Variants in NINL observed in about 807,000 individuals in gnomAD.
NINL encodes ninein like, also known as ninein-like protein.
A neutral mutation model predicts 160.3 loss-of-function variants in NINL; 153 were observed. That is an observed-to-expected ratio of 0.95 (90% CI 0.84 to 1.09). The LOEUF (loss-of-function observed/expected upper bound fraction) is 1.09, where lower values mean the gene tolerates loss of function less well. NINL is among the 50% of genes least tolerant of loss of function. The probability of loss-of-function intolerance (pLI) is 0.00; values close to 1 mark genes in which losing one functional copy is unlikely to be tolerated. For synonymous variants in NINL, 800 were observed against 734.8 expected (o/e 1.09, Z -1.43); for missense variants, 1,829 against 1,764.0 (o/e 1.04, Z -0.66).
intron 1 of NINL, among the ~76,000 whole-genome samples, chr20:25,572,408 G>A (rs1259928531): frequency 2.6e-5 from 4 of 151,932 alleles, no homozygotes; most frequent in South Asian, 2.1e-4. Flanking sequence ...CCCTCACTAC[G>A]GTGCTTGCTT....
chr20:25,538,122 T>C (rs948250602), intron 1 of NINL, among the ~76,000 whole-genome samples: 5 of 152,150 alleles, frequency 3.3e-5, no homozygotes, highest in Admixed American at 2.0e-4. Context: ...GCAACGCCAC[T>C]GGAAGATGAA....
At chr20:25,467,239 C>A in intron 19 of NINL, 150 bp downstream of exon 19, 2 of 701,608 alleles carry the variant, frequency 2.9e-6, no homozygotes, top group Non-Finnish European at 5.0e-6. Context: ...TAGTGTCTGA[C>A]TTTGATGGGG....
intron 1 of NINL, among the ~76,000 whole-genome samples, chr20:25,556,076 T>C (rs974464359): frequency 1.3e-5 from 2 of 151,664 alleles, no homozygotes; most frequent in Admixed American, 6.6e-5. Context: ...AGCCCAGAAG[T>C]TCAAGACCAC....
chr20:25,561,679 C>T (rs6037143), intron 1 of NINL, among the ~76,000 whole-genome samples: 11 of 151,402 alleles, frequency 7.3e-5, no homozygotes, highest in African/African-American at 2.7e-4. Flanking sequence ...GCGCCTCTGC[C>T]CCGCCGCCCC....
Position 25,489,918 on chromosome 20 carries a change from G to C in NINL, c.1553C>G (p.Ala518Gly). ...VEKLSDSERL[A>G]LKLQKDLEFV... is the part of the protein sequence containing the mutation. The stretch of plus-strand genomic sequence containing the variant: ...CTCCAGGTCCTTCTGCAGCTTCAGG[G>C]CCAGCCTCTCCGAATCCGAAAGCTT... Residue 518 changes from alanine to glycine, a missense_variant, in exon 12 of 24, where the codon GCC becomes GGC. Ala to Gly is a moderately conservative substitution (Grantham distance 60, BLOSUM62 0). Coordinates refer to ENST00000278886, the MANE Select transcript of NINL (RefSeq NM_025176.6). 1 of 1,614,182 alleles carries C rather than the reference G, an allele frequency of 6.2e-7. No homozygotes were observed. The highest frequency in any genetic ancestry group is 2.2e-5 in the East Asian group (1 of 44,882).
Position 25,512,886 on chromosome 20 carries a change from TG to T in NINL, c.397del (p.Gln133ArgfsTer4), listed in dbSNP as rs2064097699. 6.2e-7 allele frequency: 1 copy of T among 1,614,064 alleles called. No individual in the cohort carries two copies. Among genetic ancestry groups the T allele is most frequent in the Non-Finnish European group, 8.5e-7 (1 of 1,180,026 alleles). Reference sequence around the variant, plus strand: ...CCAGAGGTGACTTTTCAGGCTGGCCTGGGTTTGCTGCTCCGGCACGCGTCTG... The same window carrying T: ...CCAGAGGTGACTTTTCAGGCTGGCCTGGTTTGCTGCTCCGGCACGCGTCTG... ...EARRVPEQQT[Q>X]ASLKSHLWRS... is the part of the protein sequence containing the mutation. On this transcript the variant is annotated frameshift_variant, in exon 4 of 24. Transcript: ENST00000278886. LOFTEE classifies it high-confidence loss of function.
rs2063589441 is a variant in NINL, at chr20:25,489,981, T to C, written c.1490A>G (p.Asn497Ser). 2 of 1,613,808 alleles carry C rather than the reference T, an allele frequency of 1.2e-6. No homozygotes were observed. Among genetic ancestry groups the C allele is most frequent in the African/African-American group, 2.7e-5 (2 of 74,900 alleles). ...REKLTLALKE[N>S]SRLQKEIVEV... is the part of the protein sequence containing the mutation. ...CACAATCTCCTTCTGTAGGCGACTG[T>C]TTTCCTAGGAGACACAGGCCAGTGG... The change falls in exon 12 of 24, where the codon AAC becomes AGC. Residue 497 changes from asparagine to serine, a missense_variant. By Grantham distance (46) the Asn-to-Ser change is conservative. Transcript: ENST00000278886.
intron 2 of NINL, among the ~76,000 whole-genome samples, chr20:25,524,299 A>G (rs1439655031): frequency 1.3e-5 from 2 of 152,264 alleles, no homozygotes; most frequent in Non-Finnish European, 2.9e-5. Flanking sequence ...TGTTACAGAG[A>G]GAAGAGAAAG....
chr20:25,511,682 G>C (rs1264250963), intron 4 of NINL, among the ~76,000 whole-genome samples: 1 of 152,102 alleles, frequency 6.6e-6, no homozygotes, highest in Admixed American at 6.5e-5. Flanking sequence ...CCACCACAAG[G>C]AGGAGATTCA....
At chr20:25,540,700 C>T (rs901765303) in intron 1 of NINL, among the ~76,000 whole-genome samples, 1 of 152,120 alleles carries the variant, frequency 6.6e-6, no homozygotes, top group African/African-American at 2.4e-5. Flanking sequence ...TGTTATAACC[C>T]CAATAAAACA....
At chr20:25,469,940 C>T (rs540778943) in intron 18 of NINL, 51 bp downstream of exon 18, 132 of 1,312,478 alleles carry the variant, frequency 1.0e-4, no homozygotes, top group Non-Finnish European at 1.2e-4. Flanking sequence ...GGTCACTCTA[C>T]GGAGGGCAAA....
intron 1 of NINL, among the ~76,000 whole-genome samples, chr20:25,529,836 G>A (rs141756669): frequency 5.0e-4 from 76 of 152,170 alleles, no homozygotes; most frequent in Non-Finnish European, 7.5e-4. Context: ...GCCAGACCTC[G>A]TCTCAAAATA....
intron 17 of NINL, among the ~76,000 whole-genome samples, chr20:25,472,324 G>GATAGATATAT (rs1555845880): frequency 1.2e-5 from 1 of 83,982 alleles, no homozygotes; most frequent in Non-Finnish European, 2.4e-5. Flanking sequence ...GGGAGGAGAG[G>GATAGATATAT]ATATATATAT....
chr20:25,558,900 T>A (rs56161083), intron 1 of NINL, among the ~76,000 whole-genome samples: 1,699 of 152,314 alleles, frequency 0.011, 39 homozygotes, highest in African/African-American at 0.038. Context: ...GATTCAACTG[T>A]TCATTTCTCA....
chr20:25,502,284 CAT>C (rs1458109251), intron 7 of NINL, among the ~76,000 whole-genome samples: 2 of 152,184 alleles, frequency 1.3e-5, no homozygotes, highest in East Asian at 3.9e-4. Context: ...GCCCGGCCCT[CAT>C]TGACTTTAGA....
At chr20:25,577,162 T>C (rs533246561) in intron 1 of NINL, among the ~76,000 whole-genome samples, 35 of 152,184 alleles carry the variant, frequency 2.3e-4, no homozygotes, top group Non-Finnish European at 4.6e-4. Flanking sequence ...TGGAGAGCAG[T>C]GACAACGTTG....
At chr20:25,526,360 A>G (rs777255056) in intron 2 of NINL, 48 bp downstream of exon 2, 3 of 1,536,184 alleles carry the variant, frequency 2.0e-6, no homozygotes, top group Non-Finnish European at 2.7e-6. Flanking sequence ...ATAAGAGCCA[A>G]CTATAGACCC....
In NINL at chr20:25,462,584, T is replaced by C. The variant is rs2062819161; in HGVS notation, c.3424-43A>G. ...TAAATACATAAGAAAAAAATGTTTT[T>C]AATTTTCATGTTATATATACATTTG... On this transcript the variant is annotated intron_variant, in intron 19 of 23. Transcript: ENST00000278886. The C allele has an allele frequency of 5.2e-6, 8 of 1,525,876 alleles. No homozygotes were observed. In the South Asian group the frequency reaches 8.4e-5, roughly 16 times the overall value. 94.5% of individuals were successfully genotyped at this position (1,525,876 alleles called of 1,614,324 possible). A position where few individuals can be genotyped will look rare whatever the true frequency, so the allele number is the denominator to read the frequency against.
Position 25,476,027 on chromosome 20 carries a change from T to A in NINL, c.3248+16A>T. The A allele has an allele frequency of 6.2e-7, 1 of 1,605,908 alleles. No individual in the cohort carries two copies. The highest frequency in any genetic ancestry group is 1.1e-5 in the South Asian group (1 of 89,636). On this transcript the variant is annotated intron_variant, in intron 17 of 23. Transcript: ENST00000278886. ...AGTTTGAAGTGTTTAGTTTTAAGAA[T>A]GAGTAGAAGGCAAACCTGTCGTTCT...
Sources: gnomAD v4.1 joint callset for allele counts (sites outside exome capture counted in the v4.1 genomes callset) on GRCh38, gnomAD v4.1.1 for gene constraint, MANE v1.5 for transcripts, NCBI Gene and HGNC (gene_info 2026-07-23, HGNC 2026-07-21) for gene names.